BZW1: variants seen among roughly 807,000 people sequenced by gnomAD.
BZW1 encodes basic leucine zipper and W2 domains 1, also known as eIF5-mimic protein 2.
In BZW1, 3 loss-of-function variants were observed where a neutral mutation model predicts 54.1. The ratio of observed to expected loss-of-function variants is 0.06; its 90% CI spans 0.03 to 0.14. The LOEUF (loss-of-function observed/expected upper bound fraction) is 0.14. Ranked by LOEUF, BZW1 falls within the 10% of genes least tolerant of loss-of-function variation. The probability of loss-of-function intolerance (pLI) is 1.00; values close to 1 mark genes in which losing one functional copy is unlikely to be tolerated. For missense variants in BZW1, 206 were observed against 491.7 expected (o/e 0.42, Z 5.50); for synonymous variants, 152 against 162.7 (o/e 0.93, Z 0.50).
rs747392014 is a variant in BZW1 at position 200,813,298 on chromosome 2, T to C, written c.64+17T>C. 4 of 1,602,206 alleles carry C rather than the reference T, an allele frequency of 2.5e-6. No homozygotes were observed. The highest frequency in any genetic ancestry group is 3.4e-6 in the Non-Finnish European group (4 of 1,170,110). On this transcript the variant is annotated intron_variant, in intron 2 of 11. Transcript: ENST00000409600. Reference sequence around the variant, plus strand: ...GAAAAAGAGGTAAATATTTACGTTTTAATGTCTCTCTTCAAACCTCCAGAA... The same window carrying C: ...GAAAAAGAGGTAAATATTTACGTTTCAATGTCTCTCTTCAAACCTCCAGAA...
At position 200,816,394 on chromosome 2, in the gene BZW1, T is replaced by G; in HGVS notation, c.402+4T>G. 1 of 1,567,036 alleles carries G rather than the reference T, an allele frequency of 6.4e-7. No homozygotes were observed. The highest frequency in any genetic ancestry group is 8.7e-7 in the Non-Finnish European group (1 of 1,145,002). ...TTTTGAAGATGAAGTAAAAAAGGTA[T>G]GAGTAATAATGTACTTTGTGGAAAA... is the stretch of plus-strand genomic sequence containing the variant. On this transcript the variant is annotated splice_donor_region_variant and intron_variant, in intron 5 of 11. Transcript: ENST00000409600.
intron 10 of BZW1, among the ~76,000 whole-genome samples, chr2:200,820,346 G>A (rs774397255): frequency 1.3e-5 from 2 of 151,968 alleles, no homozygotes; most frequent in African/African-American, 2.4e-5. Context: ...ATCATTATGC[G>A]TCCTCAAACT....
chr2:200,815,369 G>T lies in BZW1; in HGVS notation c.93G>T (p.Gln31His), dbSNP rs779710956. ...RDEKERFDPT[Q>H]FQDCIIQGLT... ...AAAAAGAGAGGTTTGACCCTACTCA[G>T]TTTCAAGACTGTATTATTCAAGGCT... Residue 31 changes from glutamine to histidine, a missense_variant, in exon 3 of 12, where the codon CAG becomes CAT. Physicochemically the swap from Gln to His is conservative, Grantham distance 24. Transcript: ENST00000409600. 2 of 1,613,546 alleles carry T rather than the reference G, an allele frequency of 1.2e-6. No homozygotes were observed. The highest frequency in any genetic ancestry group is 1.7e-6 in the Non-Finnish European group (2 of 1,179,608).
intron 1 of BZW1, chr2:200,812,864 A>G: frequency 1.5e-6 from 1 of 656,436 alleles, no homozygotes; most frequent in Non-Finnish European, 2.9e-6. Context: ...GCGTTCTGCG[A>G]TGCTTAGTGG....
In BZW1 at chr2:200,816,210, G is replaced by T. The variant is rs935959777; in HGVS notation, c.337-115G>T. 7 of 617,994 alleles carry T rather than the reference G, an allele frequency of 1.1e-5. No individual in the cohort carries two copies. The African/African-American group carries it at 1.3e-4, about 12-fold the overall frequency. The allele number at this position is 617,994 out of a possible 1,614,324, so 38.3% of individuals were successfully genotyped here. On this transcript the variant is annotated intron_variant, in intron 4 of 11. Coordinates refer to ENST00000409600, the MANE Select transcript of BZW1 (RefSeq NM_001207067.2). ...CCTGGACATTCTTATGTGTCACTAG[G>T]AATTCTTCTCAAGCTGGTTTAAGCA...
At chr2:200,815,842 T>C in intron 4 of BZW1, 81 bp downstream of exon 4, 1 of 1,304,576 alleles carries the variant, frequency 7.7e-7, no homozygotes. Flanking sequence ...TTTTAAGAGT[T>C]GTGGTTAGAA....
chr2:200,812,322 G>C, intron 1 of BZW1: 1 of 1,260,554 alleles, frequency 7.9e-7, no homozygotes, highest in South Asian at 3.1e-5. Context: ...ACGCGTGGGG[G>C]CTTCCGGCGG....
rs2038655822 is a variant in BZW1 at position 200,825,028 on chromosome 2, T to C, written c.*2850T>C. On this transcript the variant is annotated 3_prime_UTR_variant, in exon 12 of 12. Transcript: ENST00000409600. ...TTTATTACCATAGATACGCTGTGTA[T>C]GTACTGTTTCTGTGCTTTGTACATG... The C allele has an allele frequency of 6.6e-6, 1 of 152,176 alleles. No homozygotes were observed. The highest frequency in any genetic ancestry group is 2.1e-4 in the South Asian group (1 of 4,828). 9.4% of individuals were successfully genotyped at this position (152,176 alleles called of 1,614,324 possible). A position where few individuals can be genotyped will look rare whatever the true frequency, so the allele number is the denominator to read the frequency against.
intron 1 of BZW1, chr2:200,812,414 G>T (rs1204230848): frequency 7.8e-7 from 1 of 1,278,278 alleles, no homozygotes; most frequent in East Asian, 3.1e-5. Context: ...GCGGATGTAC[G>T]GGGCGCCTGG....
At chr2:200,815,821 G>C in intron 4 of BZW1, 60 bp downstream of exon 4, 1 of 1,372,944 alleles carries the variant, frequency 7.3e-7, no homozygotes, top group Non-Finnish European at 9.7e-7. Flanking sequence ...TATATTTGAG[G>C]AATATTCTAC....
At chr2:200,812,901 G>C (rs868785271) in intron 1 of BZW1, 3 of 657,574 alleles carry the variant, frequency 4.6e-6, no homozygotes, top group Middle Eastern at 4.9e-4. Flanking sequence ...TGAATGTAAA[G>C]AGGAATGTGG....
At chr2:200,820,735 A>G (rs149841716) in intron 10 of BZW1, among the ~76,000 whole-genome samples, 151 of 151,750 alleles carry the variant, frequency 1.0e-3, no homozygotes, top group Middle Eastern at 3.4e-3. Flanking sequence ...AGTCTTAGCT[A>G]TGTAGTCATA....
rs1427979110 is a variant in BZW1 at position 200,822,237 on chromosome 2, CAT to C, written c.*60_*61del. On this transcript the variant is annotated 3_prime_UTR_variant, in exon 12 of 12. Coordinates refer to ENST00000409600, the MANE Select transcript of BZW1 (RefSeq NM_001207067.2). ...GAGTTGTAGATAAAATGTCATGTCT[CAT>C]GTGTCCTGGTTCTTACATCTTCCTA... is the stretch of plus-strand genomic sequence containing the variant. 75 of 1,437,334 alleles carry C rather than the reference CAT, an allele frequency of 5.2e-5. No homozygotes were observed. Among genetic ancestry groups the C allele is most frequent in the East Asian group, 7.0e-5 (3 of 42,798 alleles). The allele number at this position is 1,437,334 out of a possible 1,614,324, so 89.0% of individuals were successfully genotyped here. A position where few individuals can be genotyped will look rare whatever the true frequency, so the allele number is the denominator to read the frequency against.
rs2038354831 is a variant in BZW1 at position 200,817,961 on chromosome 2, T to A, written c.539-13T>A. 1 of 1,532,106 alleles carries A rather than the reference T, an allele frequency of 6.5e-7. No individual in the cohort carries two copies. The highest frequency in any genetic ancestry group is 8.8e-7 in the Non-Finnish European group (1 of 1,131,962). The allele number at this position is 1,532,106 out of a possible 1,614,324, so 94.9% of individuals were successfully genotyped here. On this transcript the variant is annotated splice_polypyrimidine_tract_variant and intron_variant, in intron 6 of 11. Coordinates refer to ENST00000409600, the MANE Select transcript of BZW1 (RefSeq NM_001207067.2). ...GAAGGTACTTCTGTTAATTAAGCTATTTTCTTTTACAGGAGTTTCAGCAGC... is the reference window on the plus strand; with the variant it reads ...GAAGGTACTTCTGTTAATTAAGCTAATTTCTTTTACAGGAGTTTCAGCAGC...
intron 11 of BZW1, among the ~76,000 whole-genome samples, chr2:200,821,946 G>C (rs1472507707): frequency 6.6e-6 from 1 of 152,120 alleles, no homozygotes; most frequent in Non-Finnish European, 1.5e-5. Context: ...GTGGGCGCCT[G>C]TAGTTCCAGC....
chr2:200,821,549 ATTTCT>A (rs934537007), intron 11 of BZW1, among the ~76,000 whole-genome samples: 2 of 151,202 alleles, frequency 1.3e-5, no homozygotes, highest in African/African-American at 4.8e-5. Flanking sequence ...AAATTTGTGG[ATTTCT>A]TTTCTTTTTT....
intron 1 of BZW1, chr2:200,812,683 C>T (rs1484061616): frequency 2.2e-5 from 22 of 1,022,832 alleles, no homozygotes; most frequent in Non-Finnish European, 3.0e-5. Flanking sequence ...GTTAGTTTTG[C>T]AGGCCTGAGT....
rs1357465306 is a variant in BZW1, at chr2:200,823,651, A to T, written c.*1473A>T. ...TTTGAAATAAAGGTATAGTAACCTT[A>T]AAAAGAACATTATAACTGATTGTTG... On this transcript the variant is annotated 3_prime_UTR_variant, in exon 12 of 12. Coordinates refer to ENST00000409600, the MANE Select transcript of BZW1 (RefSeq NM_001207067.2). 6.6e-6 allele frequency: 1 copy of T among 152,522 alleles called. No homozygotes were observed. Among genetic ancestry groups the T allele is most frequent in the Non-Finnish European group, 1.5e-5 (1 of 68,010 alleles). 9.4% of individuals were successfully genotyped at this position (152,522 alleles called of 1,614,324 possible). A position where few individuals can be genotyped will look rare whatever the true frequency, so the allele number is the denominator to read the frequency against.
chr2:200,813,318 C>G (rs2038159181), intron 2 of BZW1, 37 bp downstream of exon 2: 2 of 1,547,004 alleles, frequency 1.3e-6, no homozygotes, highest in Non-Finnish European at 1.8e-6. Flanking sequence ...CTTCAAACCT[C>G]CAGAACATCT....
Sources: gnomAD v4.1 joint callset for allele counts (sites outside exome capture counted in the v4.1 genomes callset) on GRCh38, gnomAD v4.1.1 for gene constraint, MANE v1.5 for transcripts, NCBI Gene and HGNC (gene_info 2026-07-23, HGNC 2026-07-21) for gene names.